Variants in RAVER2 observed in about 807,000 individuals in gnomAD.
The protein encoded by RAVER2 is ribonucleoprotein, PTB binding 2, also known as ribonucleoprotein PTB-binding 2.
A neutral mutation model predicts 78.1 loss-of-function variants in RAVER2; 46 were observed. That is an observed-to-expected ratio of 0.59 (90% CI 0.46 to 0.75). The LOEUF is 0.75. RAVER2 is among the 30% of genes least tolerant of loss of function. The pLI, the probability that RAVER2 is intolerant of heterozygous loss-of-function variation, is 0.00. For missense variants in RAVER2, 793 were observed against 837.5 expected, an observed-to-expected ratio of 0.95 and a Z score of 0.66; for synonymous variants, 311 against 313.3, an observed-to-expected ratio of 0.99 and a Z score of 0.08.
intron 1 of RAVER2, among the ~76,000 whole-genome samples, chr1:64,762,218 A>T (rs896184362): frequency 6.6e-6 from 1 of 152,252 alleles, no homozygotes; most frequent in Non-Finnish European, 1.5e-5. Context: ...TGATAAAAAT[A>T]TGCGAAATCT....
At chr1:64,775,209 A>G (rs961561114) in intron 2 of RAVER2, among the ~76,000 whole-genome samples, 5 of 152,222 alleles carry the variant, frequency 3.3e-5, no homozygotes, top group Non-Finnish European at 7.3e-5. Flanking sequence ...TTGGGAGTCA[A>G]TATGAAGATA....
intron 1 of RAVER2, among the ~76,000 whole-genome samples, chr1:64,747,514 CT>C (rs1229816566): frequency 1.1e-3 from 164 of 144,028 alleles, no homozygotes; most frequent in South Asian, 2.9e-3. Flanking sequence ...TTCTTTCTTT[CT>C]TTTTTTTTTT....
At chr1:64,828,629 A>G (rs1654053382) in intron 11 of RAVER2, among the ~76,000 whole-genome samples, 1 of 151,818 alleles carries the variant, frequency 6.6e-6, no homozygotes, top group Non-Finnish European at 1.5e-5. Flanking sequence ...CCAGTATCAC[A>G]TGGGCTACAG....
chr1:64,803,078 G>C lies in RAVER2; in HGVS notation c.1191+17G>C. ...GCACATCAGGTACATAAATAACATT[G>C]AGTACTGAAGCATTAAATATTCGGA... On this transcript the variant is annotated intron_variant, in intron 6 of 11. Transcript: ENST00000294428. The C allele has an allele frequency of 2.7e-6, 4 of 1,495,062 alleles. No homozygotes were observed. The highest frequency in any genetic ancestry group is 3.7e-6 in the Non-Finnish European group (4 of 1,079,956). 92.6% of individuals were successfully genotyped at this position (1,495,062 alleles called of 1,614,324 possible). A position where few individuals can be genotyped will look rare whatever the true frequency, so the allele number is the denominator to read the frequency against.
chr1:64,787,893 AG>A (rs1353523628), intron 4 of RAVER2, among the ~76,000 whole-genome samples: 2 of 152,152 alleles, frequency 1.3e-5, no homozygotes, highest in African/African-American at 2.4e-5. Context: ...GGTTTCTCAC[AG>A]GCTTTATGTC....
At chr1:64,783,098 T>C (rs1190847804) in intron 4 of RAVER2, among the ~76,000 whole-genome samples, 8 of 152,222 alleles carry the variant, frequency 5.3e-5, no homozygotes, top group African/African-American at 1.9e-4. Context: ...CCATGGTGTA[T>C]ATGTGCCACA....
In RAVER2 at chr1:64,780,089, T is replaced by A. The variant is rs531890574; in HGVS notation, c.787-1291T>A. 6.9e-4 allele frequency among the ~76,000 whole-genome samples: 105 copies of A among 152,044 alleles called. 1 individual carries two copies. Among genetic ancestry groups the A allele is most frequent in the Admixed American group, 3.3e-3 (51 of 15,252 alleles). ...AATGAAATAGAATAGTAAAAAAAAATTTTTAAGTTTTCAAAAGATTAATAA... is the reference window on the plus strand; with the variant it reads ...AATGAAATAGAATAGTAAAAAAAAAATTTTAAGTTTTCAAAAGATTAATAA... On this transcript the variant is annotated intron_variant, in intron 3 of 11. Coordinates refer to ENST00000294428, the Ensembl canonical transcript of RAVER2.
At chr1:64,807,261 A>T in exon 9 of RAVER2, 1 of 1,614,188 alleles carries the variant, frequency 6.2e-7, no homozygotes. Context: ...GCATGTTACC[A>T]TTCTTTCCAA....
intron 1 of RAVER2, among the ~76,000 whole-genome samples, chr1:64,746,356 C>A (rs1651538066): frequency 6.6e-6 from 1 of 152,138 alleles, no homozygotes; most frequent in Non-Finnish European, 1.5e-5. Flanking sequence ...TTTGATTCTT[C>A]AGGATTTCTT....
At chr1:64,812,233 G>A (rs567308239) in intron 9 of RAVER2, among the ~76,000 whole-genome samples, 3 of 151,832 alleles carry the variant, frequency 2.0e-5, no homozygotes, top group African/African-American at 7.2e-5. Flanking sequence ...ATGGAGGTGC[G>A]GGCCTGTAAT....
rs368793267 is a variant in RAVER2, at chr1:64,756,033, G to A, written c.249+10612G>A. 3.7e-4 allele frequency among the ~76,000 whole-genome samples: 56 copies of A among 152,104 alleles called. No individual in the cohort carries two copies. The South Asian group carries it at 8.1e-3, about 22-fold the overall frequency. ...AGTCCTCAGATGCATTTAAGCTTTG[G>A]CAGTTGTCCCATCAATGTCCTTTAC... On this transcript the variant is annotated intron_variant, in intron 1 of 11. Coordinates refer to ENST00000294428, the Ensembl canonical transcript of RAVER2.
intron 5 of RAVER2, among the ~76,000 whole-genome samples, chr1:64,795,638 G>T (rs1002851263): frequency 6.6e-6 from 1 of 151,996 alleles, no homozygotes; most frequent in Non-Finnish European, 1.5e-5. Flanking sequence ...AAGTATGACT[G>T]ATTAAATATT....
At position 64,753,672 on chromosome 1, in the gene RAVER2, C is replaced by T. The variant is rs188149992; in HGVS notation, c.249+8251C>T. Among the ~76,000 whole-genome samples the T allele has an allele frequency of 2.6e-3, 387 of 151,532 alleles. 3 individuals carry two copies. The highest frequency in any genetic ancestry group is 8.9e-3 in the African/African-American group (366 of 41,314). The stretch of plus-strand genomic sequence containing the variant: ...CCGAGTAGCTGGGATTACAGGCGCC[C>T]GCCACCACACCTGGCTAATTTTTGT... On this transcript the variant is annotated intron_variant, in intron 1 of 11. Coordinates refer to ENST00000294428, the Ensembl canonical transcript of RAVER2.
intron 6 of RAVER2, among the ~76,000 whole-genome samples, chr1:64,803,560 C>T (rs1653329287): frequency 1.3e-5 from 2 of 151,976 alleles, no homozygotes; most frequent in African/African-American, 4.8e-5. Context: ...AAGCATTACT[C>T]ATTAATTTCA....
intron 11 of RAVER2, among the ~76,000 whole-genome samples, chr1:64,828,257 G>A (rs1265932691): frequency 1.4e-5 from 2 of 143,504 alleles, no homozygotes; most frequent in Non-Finnish European, 3.0e-5. Context: ...TTAGAATTAT[G>A]TTTTGCATTC....
chr1:64,807,646 A>G (rs974455905), intron 9 of RAVER2, among the ~76,000 whole-genome samples, 172 bp downstream of exon 9: 1 of 110,200 alleles, frequency 9.1e-6, no homozygotes, highest in Non-Finnish European at 1.7e-5. Flanking sequence ...TCTGTTATAA[A>G]TAAAGCAAAC....
At chr1:64,831,535 C>T (rs934820290) in exon 12 of RAVER2, 7 of 152,192 alleles carry the variant, frequency 4.6e-5, no homozygotes, top group African/African-American at 1.4e-4. Flanking sequence ...AAAATTAAAC[C>T]CGGTAAGAGA....
intron 1 of RAVER2, among the ~76,000 whole-genome samples, chr1:64,766,019 G>T (rs76235578): frequency 6.6e-6 from 1 of 152,144 alleles, no homozygotes. Context: ...TGAGGGTGGG[G>T]TGATGACGTC....
intron 1 of RAVER2, among the ~76,000 whole-genome samples, chr1:64,747,368 A>G (rs1471943601): frequency 3.3e-5 from 5 of 152,198 alleles, no homozygotes; most frequent in Non-Finnish European, 5.9e-5. Flanking sequence ...CCTACATAAA[A>G]TCACCTGTGC....
Sources: gnomAD v4.1 joint callset for allele counts (sites outside exome capture counted in the v4.1 genomes callset) on GRCh38, gnomAD v4.1.1 for gene constraint, MANE v1.5 for transcripts, NCBI Gene and HGNC (gene_info 2026-07-23, HGNC 2026-07-21) for gene names.